The following PPARGC1A variants were observed in gnomAD, a reference collection of about 807,000 sequenced individuals.
PPARGC1A encodes the protein peroxisome proliferator-activated receptor gamma coactivator 1-alpha.
Under a neutral mutation model 88.7 loss-of-function variants are expected in PPARGC1A, and 25 were observed. The observed-to-expected ratio is 0.28, with a 90% CI of 0.21 to 0.39. The LOEUF (loss-of-function observed/expected upper bound fraction) is 0.39. Among genes scored for constraint, PPARGC1A ranks in the 10% least tolerant of loss-of-function variants. The probability of loss-of-function intolerance (pLI) is 1.00; values close to 1 mark genes in which losing one functional copy is unlikely to be tolerated. For synonymous variants in PPARGC1A, 363 were observed against 355.6 expected, an observed-to-expected ratio of 1.02 and a Z score of -0.24; for missense variants, 880 against 968.7, an observed-to-expected ratio of 0.91 and a Z score of 1.22.
chr4:24,125,654 A>G, the PPARGC1A span, among the ~76,000 whole-genome samples: 6 of 150,906 alleles, frequency 4.0e-5, no homozygotes, highest in Non-Finnish European at 7.4e-5. Flanking sequence ...TTACAAAAAA[A>G]TGGCATTAAA....
At chr4:24,286,715 A>T in the PPARGC1A span, among the ~76,000 whole-genome samples, 1 of 152,216 alleles carries the variant, frequency 6.6e-6, no homozygotes, top group Non-Finnish European at 1.5e-5. Context: ...GCTGTGTAAC[A>T]AATCACCCCA....
chr4:24,434,539 G>C, the PPARGC1A span, among the ~76,000 whole-genome samples: 1 of 152,172 alleles, frequency 6.6e-6, no homozygotes, highest in Non-Finnish European at 1.5e-5. Flanking sequence ...AATGGCGCTC[G>C]CGTGACAAAT....
the PPARGC1A span, among the ~76,000 whole-genome samples, chr4:24,045,669 T>C: frequency 2.7e-4 from 41 of 152,340 alleles, no homozygotes; most frequent in South Asian, 8.3e-3. Flanking sequence ...CAGACACCAG[T>C]AATTGGATTA....
At chr4:23,967,576 T>G in the PPARGC1A span, among the ~76,000 whole-genome samples, 1 of 152,100 alleles carries the variant, frequency 6.6e-6, no homozygotes. Flanking sequence ...CCCATTAGTG[T>G]GTATAGGGAA....
the PPARGC1A span, among the ~76,000 whole-genome samples, chr4:24,001,663 A>C: frequency 6.6e-6 from 1 of 152,140 alleles, no homozygotes. Context: ...TGTCTTGTGA[A>C]GGGGCGAAGG....
the PPARGC1A span, among the ~76,000 whole-genome samples, chr4:24,310,636 A>T: frequency 7.5e-4 from 114 of 152,276 alleles, 2 homozygotes; most frequent in East Asian, 0.015. Context: ...CCAAAAAAAA[A>T]TTTTTCTATG....
At chr4:24,225,915 A>G in the PPARGC1A span, among the ~76,000 whole-genome samples, 2 of 152,278 alleles carry the variant, frequency 1.3e-5, no homozygotes, top group East Asian at 3.9e-4. Flanking sequence ...AAAACTGAGA[A>G]TGGGACCAAA....
At chr4:24,463,122 TTA>T in the PPARGC1A span, among the ~76,000 whole-genome samples, 1 of 152,218 alleles carries the variant, frequency 6.6e-6, no homozygotes, top group Non-Finnish European at 1.5e-5. Context: ...AGATACATTC[TTA>T]TGTGTTTATA....
At chr4:24,065,394 C>T in the PPARGC1A span, among the ~76,000 whole-genome samples, 1 of 152,162 alleles carries the variant, frequency 6.6e-6, no homozygotes, top group East Asian at 1.9e-4. Flanking sequence ...AGGGGATTGC[C>T]TTCCATGCCT....
At chr4:24,388,671 G>A in the PPARGC1A span, among the ~76,000 whole-genome samples, 1 of 152,140 alleles carries the variant, frequency 6.6e-6, no homozygotes, top group African/African-American at 2.4e-5. Context: ...CCTTTGCAAG[G>A]ACATGGATGA....
At chr4:23,862,911 A>G (rs151134121) in intron 2 of PPARGC1A, among the ~76,000 whole-genome samples, 230 of 152,288 alleles carry the variant, frequency 1.5e-3, no homozygotes, top group Non-Finnish European at 2.8e-3. Context: ...ATCGTCGCAT[A>G]TTGTTCATGG....
upstream of PPARGC1A, among the ~76,000 whole-genome samples, chr4:23,893,003 T>C (rs80321248): frequency 3.0e-3 from 456 of 152,292 alleles, 1 homozygote; most frequent in African/African-American, 0.011. Flanking sequence ...ACCCATTTTT[T>C]CTCAACAATA....
At chr4:23,958,229 T>C in the PPARGC1A span, among the ~76,000 whole-genome samples, 1 of 152,160 alleles carries the variant, frequency 6.6e-6, no homozygotes, top group East Asian at 1.9e-4. Flanking sequence ...CTTTTCATTT[T>C]AATTACTGGT....
At chr4:24,367,421 G>A in the PPARGC1A span, among the ~76,000 whole-genome samples, 4 of 152,158 alleles carry the variant, frequency 2.6e-5, no homozygotes, top group Non-Finnish European at 5.9e-5. Context: ...TTATTTAAAA[G>A]CTTAAGTATA....
At chr4:24,258,277 A>G in the PPARGC1A span, 4 of 887,916 alleles carry the variant, frequency 4.5e-6, no homozygotes, top group Non-Finnish European at 5.4e-6. Flanking sequence ...CCTGAAAGGC[A>G]GAGGGTAAGT....
the PPARGC1A span, among the ~76,000 whole-genome samples, chr4:24,470,799 G>GGCT: frequency 2.6e-5 from 4 of 151,718 alleles, no homozygotes; most frequent in Non-Finnish European, 5.9e-5. This position sits in a 1 kb window ranked among gnomAD's most constrained non-coding sequence, Gnocchi z 5.8. Context: ...GCCTCTCCAA[G>GGCT]GCTCCGGGCG....
rs1383314837 is a variant in PPARGC1A at position 23,884,802 on chromosome 4, A to C, written c.184T>G (p.Ser62Ala). The C allele has an allele frequency of 6.2e-7, 1 of 1,613,928 alleles. No individual in the cohort carries two copies. Among genetic ancestry groups the C allele is most frequent in the South Asian group, 1.1e-5 (1 of 91,070 alleles). The change falls in exon 2 of 13, where the codon TCA (serine) becomes GCA (alanine). Residue 62 changes from serine (S) to alanine (A), a missense_variant. Coordinates refer to ENST00000264867, the MANE Select transcript of PPARGC1A (RefSeq NM_013261.5). ...TTGTACTGATTGGATATTATTTCTGATTGGTCACTGCACCACTTGAGTCCA... is the reference window on the plus strand; with the variant it reads ...TTGTACTGATTGGATATTATTTCTGCTTGGTCACTGCACCACTTGAGTCCA... ...LGGLKWCSDQ[S>A]EIISNQYNNE...
At chr4:24,352,554 A>G in the PPARGC1A span, among the ~76,000 whole-genome samples, 6 of 152,144 alleles carry the variant, frequency 3.9e-5, no homozygotes, top group Non-Finnish European at 4.4e-5. Context: ...GGACTTTAAC[A>G]ATGAGGCCCA....
the PPARGC1A span, among the ~76,000 whole-genome samples, chr4:23,963,229 C>A: frequency 9.2e-5 from 14 of 152,178 alleles, no homozygotes; most frequent in African/African-American, 3.4e-4. Context: ...AGGAAAATAG[C>A]TAGGGATATT....
Sources: gnomAD v4.1 joint callset for allele counts (sites outside exome capture counted in the v4.1 genomes callset) on GRCh38, gnomAD v4.1.1 for gene constraint, Gnocchi (gnomAD v3.1) non-coding constraint, MANE v1.5 for transcripts, NCBI Gene and HGNC (gene_info 2026-07-23, HGNC 2026-07-21) for gene names.